The following TTC7B variants were observed in gnomAD, a reference collection of about 807,000 sequenced individuals.
TTC7B encodes the protein tetratricopeptide repeat domain 7B.
A neutral mutation model predicts 106.8 loss-of-function variants in TTC7B; 28 were observed. The observed-to-expected ratio is 0.26, with a 90% CI of 0.19 to 0.36. The LOEUF (loss-of-function observed/expected upper bound fraction) is 0.36, where lower values mean the gene tolerates loss of function less well. Among genes scored for constraint, TTC7B ranks in the 10% least tolerant of loss-of-function variants. The pLI is 1.00. For synonymous variants in TTC7B, 405 were observed against 430.6 expected (o/e 0.94, Z 0.74); for missense variants, 862 against 1,076.4 (o/e 0.80, Z 2.79).
intron 17 of TTC7B, among the ~76,000 whole-genome samples, chr14:90,601,848 C>T (rs1311658589): frequency 6.6e-6 from 1 of 152,170 alleles, no homozygotes; most frequent in Non-Finnish European, 1.5e-5. Context: ...CATAGAATAA[C>T]TATGGAATTT....
chr14:90,578,612 G>C lies in TTC7B; in HGVS notation c.2108-304C>G, dbSNP rs750311285. On this transcript the variant is annotated intron_variant, in intron 18 of 19. Coordinates refer to ENST00000328459, the MANE Select transcript of TTC7B (RefSeq NM_001010854.2). The surrounding 1 kb of genome is among the most constrained non-coding windows in gnomAD (Gnocchi z 4.7). ...GGGCACCCACCCTCAGGGCCCACCCGGGGCTCCTCAGTGTCTGGACAGAGG... is the reference window on the plus strand; with the variant it reads ...GGGCACCCACCCTCAGGGCCCACCCCGGGCTCCTCAGTGTCTGGACAGAGG... Among the ~76,000 whole-genome samples, 4 of 152,052 alleles carry C rather than the reference G, an allele frequency of 2.6e-5. No individual in the cohort carries two copies. In the East Asian group the frequency reaches 5.9e-4, roughly 22 times the overall value.
At chr14:90,586,714 C>T (rs1331634048) in intron 18 of TTC7B, among the ~76,000 whole-genome samples, 1 of 152,194 alleles carries the variant, frequency 6.6e-6, no homozygotes, top group Non-Finnish European at 1.5e-5. Context: ...GGTATGTTTC[C>T]AGCCCAGTTC....
At chr14:90,596,055 G>T (rs1892189169) in intron 17 of TTC7B, among the ~76,000 whole-genome samples, 1 of 152,106 alleles carries the variant, frequency 6.6e-6, no homozygotes, top group Admixed American at 6.5e-5. Flanking sequence ...AATCATTGAA[G>T]ACCCTAAAGA....
intron 9 of TTC7B, among the ~76,000 whole-genome samples, chr14:90,671,087 T>C (rs1886614954): frequency 6.6e-6 from 1 of 152,166 alleles, no homozygotes. Context: ...TGCCCACTGA[T>C]ACCTTCTAGA....
intron 16 of TTC7B, among the ~76,000 whole-genome samples, chr14:90,615,853 C>T (rs778687836): frequency 2.0e-5 from 3 of 152,114 alleles, no homozygotes; most frequent in South Asian, 2.1e-4. Context: ...TGCGGGGAGC[C>T]GGAGGGGGAA....
At chr14:90,777,390 G>A (rs1443811157) in intron 3 of TTC7B, among the ~76,000 whole-genome samples, 1 of 152,118 alleles carries the variant, frequency 6.6e-6, no homozygotes, top group East Asian at 1.9e-4. Flanking sequence ...TAAATTTGGG[G>A]TTTGGAGAGT....
chr14:90,588,109 A>G (rs1891796754), intron 18 of TTC7B, among the ~76,000 whole-genome samples: 2 of 152,120 alleles, frequency 1.3e-5, no homozygotes. Flanking sequence ...GACTGCACAC[A>G]CCACCTGTCT....
intron 7 of TTC7B, among the ~76,000 whole-genome samples, chr14:90,680,742 G>T (rs375713640): frequency 6.6e-6 from 1 of 152,162 alleles, no homozygotes; most frequent in Non-Finnish European, 1.5e-5. Flanking sequence ...GTAGGCAGAA[G>T]GGTAAAGTAA....
intron 9 of TTC7B, among the ~76,000 whole-genome samples, chr14:90,671,843 G>A (rs1016032916): frequency 3.3e-5 from 5 of 152,218 alleles, no homozygotes; most frequent in South Asian, 4.1e-4. Context: ...ACACAGAGGC[G>A]GCCGGTCTTG....
intron 16 of TTC7B, among the ~76,000 whole-genome samples, chr14:90,611,614 A>G (rs561482977): frequency 1.3e-5 from 2 of 152,240 alleles, no homozygotes; most frequent in Non-Finnish European, 2.9e-5. Context: ...TTTTGGTGGC[A>G]GCCTCCATAC....
At chr14:90,685,463 A>G (rs1281334143) in intron 7 of TTC7B, among the ~76,000 whole-genome samples, 1 of 152,222 alleles carries the variant, frequency 6.6e-6, no homozygotes, top group African/African-American at 2.4e-5. Context: ...TTACAAAGCT[A>G]AAAACTGATG....
intron 13 of TTC7B, among the ~76,000 whole-genome samples, chr14:90,648,207 CT>C (rs1447069759): frequency 2.6e-5 from 4 of 152,166 alleles, no homozygotes; most frequent in Non-Finnish European, 4.4e-5. Context: ...TTATATTAAT[CT>C]TAGGAGCAAA....
rs1052340775 is a variant in TTC7B, at chr14:90,696,158, G to A, written c.699-580C>T. Among the ~76,000 whole-genome samples, 5 of 152,280 alleles carry A rather than the reference G, an allele frequency of 3.3e-5. No homozygotes were observed. The East Asian group carries it at 5.8e-4, about 18-fold the overall frequency. On this transcript the variant is annotated intron_variant, in intron 5 of 19. Coordinates refer to ENST00000328459, the MANE Select transcript of TTC7B (RefSeq NM_001010854.2). ...AGGGTCAGAGGCCCCTTCTGAGAGC[G>A]AGCATGTGACAACTGGAACCCGAGC...
At chr14:90,602,514 A>G (rs1357967347) in intron 17 of TTC7B, among the ~76,000 whole-genome samples, 1 of 152,148 alleles carries the variant, frequency 6.6e-6, no homozygotes, top group African/African-American at 2.4e-5. Context: ...CAGCCTGGGC[A>G]ACACAGTGAG....
Position 90,805,399 on chromosome 14 carries a change from G to A in TTC7B, c.121+10776C>T, listed in dbSNP as rs1424533991. 1.3e-5 allele frequency among the ~76,000 whole-genome samples: 2 copies of A among 152,176 alleles called. No homozygotes were observed. The highest frequency in any genetic ancestry group is 6.5e-5 in the Admixed American group (1 of 15,282). On this transcript the variant is annotated intron_variant, in intron 1 of 19. Coordinates refer to ENST00000328459, the MANE Select transcript of TTC7B (RefSeq NM_001010854.2). This position sits in a 1 kb window ranked among gnomAD's most constrained non-coding sequence, Gnocchi z 4.0. Reference sequence around the variant, plus strand: ...CTGCCTCAGCCTCCCGCGTAGCTGCGATTACAGGCGTGTACCACAATGCCC... The same window carrying A: ...CTGCCTCAGCCTCCCGCGTAGCTGCAATTACAGGCGTGTACCACAATGCCC...
intron 1 of TTC7B, among the ~76,000 whole-genome samples, chr14:90,794,211 CTTTTT>C (rs1186061223): frequency 7.1e-4 from 32 of 45,116 alleles, no homozygotes; most frequent in African/African-American, 2.2e-3. Flanking sequence ...CTGGGTATTT[CTTTTT>C]TTTTTTTTTT....
intron 7 of TTC7B, among the ~76,000 whole-genome samples, chr14:90,685,860 A>G (rs1436713810): frequency 6.6e-6 from 1 of 151,596 alleles, no homozygotes; most frequent in Non-Finnish European, 1.5e-5. Flanking sequence ...AAAAAAAAAC[A>G]AAAAAAACTT....
intron 3 of TTC7B, among the ~76,000 whole-genome samples, chr14:90,755,564 T>C (rs1467015003): frequency 1.3e-5 from 2 of 152,032 alleles, no homozygotes; most frequent in Admixed American, 6.5e-5. Context: ...GAGGCTGAGA[T>C]GGGAGGATCA....
intron 15 of TTC7B, among the ~76,000 whole-genome samples, chr14:90,619,623 C>T (rs767316894): frequency 6.6e-6 from 1 of 152,162 alleles, no homozygotes; most frequent in African/African-American, 2.4e-5. Context: ...ACGTGCCAGG[C>T]CTTGTGTTTG....
Sources: gnomAD v4.1 joint callset for allele counts (sites outside exome capture counted in the v4.1 genomes callset) on GRCh38, gnomAD v4.1.1 for gene constraint, Gnocchi (gnomAD v3.1) non-coding constraint, MANE v1.5 for transcripts, NCBI Gene and HGNC (gene_info 2026-07-23, HGNC 2026-07-21) for gene names.